Variants in CNNM2 observed in about 807,000 individuals in gnomAD.
The protein encoded by CNNM2 is metal transporter CNNM2.
A neutral mutation model predicts 66.9 loss-of-function variants in CNNM2; 12 were observed. The observed-to-expected ratio is 0.18, with a 90% CI of 0.11 to 0.29. The LOEUF (loss-of-function observed/expected upper bound fraction) is 0.29. Ranked by LOEUF, CNNM2 falls within the 10% of genes least tolerant of loss-of-function variation. The pLI, the probability that CNNM2 is intolerant of heterozygous loss-of-function variation, is 1.00. For synonymous variants in CNNM2, 557 were observed against 501.8 expected, an observed-to-expected ratio of 1.11 and a Z score of -1.47; for missense variants, 705 against 1,167.7, an observed-to-expected ratio of 0.60 and a Z score of 5.77.
chr10:103,028,149 A>AT (rs2064742627), intron 1 of CNNM2, among the ~76,000 whole-genome samples: 1 of 152,208 alleles, frequency 6.6e-6, no homozygotes, highest in Non-Finnish European at 1.5e-5. Flanking sequence ...TCCATAAGGC[A>AT]TTTGTAGTGC....
At chr10:102,922,616 C>A (rs1564806458) in intron 1 of CNNM2, among the ~76,000 whole-genome samples, 2 of 152,076 alleles carry the variant, frequency 1.3e-5, no homozygotes, top group African/African-American at 4.8e-5. Flanking sequence ...CTCCCCAGAC[C>A]AGTTAGATCA....
chr10:103,000,238 A>AAAAT (rs2064091451), intron 1 of CNNM2, among the ~76,000 whole-genome samples: 1 of 137,390 alleles, frequency 7.3e-6, no homozygotes, highest in Non-Finnish European at 1.6e-5. Flanking sequence ...CTCCGTCTCA[A>AAAAT]AAACAAATAA....
rs185818969 is a variant in CNNM2 at position 103,078,071 on chromosome 10, G to T, written c.*891G>T. 468 of 152,452 alleles carry T rather than the reference G, an allele frequency of 3.1e-3. 3 individuals carry two copies. Among genetic ancestry groups the T allele is most frequent in the South Asian group, 8.1e-3 (39 of 4,820 alleles). 9.4% of individuals were successfully genotyped at this position (152,452 alleles called of 1,614,324 possible). The stretch of plus-strand genomic sequence containing the variant: ...ACAGAGTGTCGTCGCCCACCTCCCT[G>T]GTCCTTGCTCTTGTTAACCCAAGAT... On this transcript the variant is annotated 3_prime_UTR_variant, in exon 8 of 8. Coordinates refer to ENST00000369878, the MANE Select transcript of CNNM2 (RefSeq NM_017649.5).
chr10:102,928,676 A>G (rs868255144), intron 1 of CNNM2, among the ~76,000 whole-genome samples: 3 of 152,204 alleles, frequency 2.0e-5, no homozygotes, highest in Middle Eastern at 3.4e-3. Context: ...GAGAGCCTTC[A>G]TATGGCATCC....
At chr10:102,985,803 T>C (rs2134236070) in intron 1 of CNNM2, among the ~76,000 whole-genome samples, 1 of 152,288 alleles carries the variant, frequency 6.6e-6, no homozygotes, top group Non-Finnish European at 1.5e-5. Context: ...GTAAAAGGAT[T>C]GGGAAAGGGG....
chr10:102,927,223 T>G (rs1264172221), intron 1 of CNNM2: 1 of 1,303,216 alleles, frequency 7.7e-7, no homozygotes, highest in Non-Finnish European at 1.1e-6. Flanking sequence ...AAACTTTCAA[T>G]TCATTAAGAT....
intron 1 of CNNM2, among the ~76,000 whole-genome samples, chr10:103,009,698 A>AAAAAG (rs1354496379): frequency 1.7e-4 from 21 of 126,328 alleles, no homozygotes; most frequent in African/African-American, 5.2e-4. Flanking sequence ...AAAAAAAAAA[A>AAAAAG]GTATATTGGG....
At chr10:102,998,805 C>A (rs1160590820) in intron 1 of CNNM2, among the ~76,000 whole-genome samples, 4 of 152,008 alleles carry the variant, frequency 2.6e-5, no homozygotes, top group Non-Finnish European at 5.9e-5. Context: ...ATGGTGAAAC[C>A]CTGTCTCTAC....
At chr10:102,927,282 A>G in intron 1 of CNNM2, 3 of 1,605,304 alleles carry the variant, frequency 1.9e-6, no homozygotes, top group Non-Finnish European at 2.6e-6. Flanking sequence ...GTGGAAGTGG[A>G]TCACTAGGAT....
chr10:102,974,631 G>A (rs1426278395), intron 1 of CNNM2, among the ~76,000 whole-genome samples: 7 of 151,964 alleles, frequency 4.6e-5, no homozygotes, highest in African/African-American at 1.7e-4. Flanking sequence ...GAGTGCAGTG[G>A]TATGATCACA....
chr10:102,980,324 G>GTT (rs778443887), intron 1 of CNNM2, among the ~76,000 whole-genome samples: 6 of 141,878 alleles, frequency 4.2e-5, no homozygotes, highest in African/African-American at 1.3e-4. Context: ...GTTTTAGTGG[G>GTT]TTTTTTTTTT....
At chr10:102,986,545 G>T (rs1284548467) in intron 1 of CNNM2, among the ~76,000 whole-genome samples, 1 of 152,112 alleles carries the variant, frequency 6.6e-6, no homozygotes, top group African/African-American at 2.4e-5. Flanking sequence ...TACTTTGGGA[G>T]GCCGAGGTGG....
intron 1 of CNNM2, among the ~76,000 whole-genome samples, chr10:102,956,115 G>T (rs1339298912): frequency 6.6e-6 from 1 of 152,016 alleles, no homozygotes; most frequent in African/African-American, 2.4e-5. Context: ...GTGAAACTCC[G>T]TCTCTACTAA....
At chr10:103,001,237 G>A (rs1027963859) in intron 1 of CNNM2, among the ~76,000 whole-genome samples, 1 of 152,176 alleles carries the variant, frequency 6.6e-6, no homozygotes, top group African/African-American at 2.4e-5. Context: ...ATTAAAAGAG[G>A]TGTGGAGATG....
chr10:102,919,215 A>C lies in CNNM2; in HGVS notation c.735A>C (p.Val245=), dbSNP rs1845538729. Residue 245 remains valine, a synonymous_variant, in exon 1 of 8, where the codon GTA becomes GTC. Coordinates refer to ENST00000369878, the MANE Select transcript of CNNM2 (RefSeq NM_017649.5). ...YHDGEDTKMI[V]GEEKKFLLPF... ...ACGGCGAGGACACCAAGATGATCGT[A>C]GGCGAAGAGAAGAAGTTCCTGCTGC... 1.2e-6 allele frequency: 2 copies of C among 1,612,872 alleles called. No homozygotes were observed.
intron 4 of CNNM2, among the ~76,000 whole-genome samples, chr10:103,063,645 TGA>T (rs2065426853): frequency 6.6e-6 from 1 of 152,206 alleles, no homozygotes; most frequent in Non-Finnish European, 1.5e-5. Context: ...CAGGATGCTG[TGA>T]GAGATGCTTT....
chr10:103,045,361 G>A (rs2065110371), intron 1 of CNNM2, among the ~76,000 whole-genome samples: 2 of 152,146 alleles, frequency 1.3e-5, no homozygotes, highest in Admixed American at 1.3e-4. Flanking sequence ...TTCTAGGCTT[G>A]TAGACACAGC....
At chr10:103,041,565 G>C (rs1372202130) in intron 1 of CNNM2, among the ~76,000 whole-genome samples, 2 of 152,126 alleles carry the variant, frequency 1.3e-5, no homozygotes, top group East Asian at 1.9e-4. Context: ...GAAAGGGCTC[G>C]AGGGGAAAGC....
At chr10:102,934,532 C>T (rs985473729) in intron 1 of CNNM2, among the ~76,000 whole-genome samples, 5 of 152,036 alleles carry the variant, frequency 3.3e-5, no homozygotes, top group Admixed American at 1.3e-4. Context: ...CCACCCACCT[C>T]GGCCTCCCAA....
Sources: gnomAD v4.1 joint callset for allele counts (sites outside exome capture counted in the v4.1 genomes callset) on GRCh38, gnomAD v4.1.1 for gene constraint, MANE v1.5 for transcripts, NCBI Gene and HGNC (gene_info 2026-07-23, HGNC 2026-07-21) for gene names.